Variants in ATP8A1 observed in about 807,000 individuals in gnomAD.
ATP8A1 encodes the protein ATPase phospholipid transporting 8A1.
Under a neutral mutation model 177.7 loss-of-function variants are expected in ATP8A1, and 90 were observed. The ratio of observed to expected loss-of-function variants is 0.51; its 90% confidence interval spans 0.43 to 0.60. The LOEUF (loss-of-function observed/expected upper bound fraction) is 0.60. ATP8A1 is among the 20% of genes least tolerant of loss of function. ATP8A1 has a pLI of 0.00. For synonymous variants in ATP8A1, 493 were observed against 485.9 expected (o/e 1.01, Z -0.19); for missense variants, 1,072 against 1,392.8 (o/e 0.77, Z 3.67).
intron 1 of ATP8A1, among the ~76,000 whole-genome samples, chr4:42,635,760 C>T (rs113247857): frequency 3.2e-5 from 2 of 63,180 alleles, no homozygotes; most frequent in African/African-American, 1.5e-4. Flanking sequence ...TATATACACA[C>T]ACACACACAC....
At position 42,639,524 on chromosome 4, in the gene ATP8A1, A is replaced by G. The variant is rs541017285; in HGVS notation, c.50-12415T>C. Among the ~76,000 whole-genome samples the G allele has an allele frequency of 9.8e-5, 15 of 152,362 alleles. No individual in the cohort carries two copies. The South Asian group carries it at 2.9e-3, about 29-fold the overall frequency. ...GACTGGAAAGGTTAGAATGAACATT[A>G]GTTCGAAGAACTAAACCAAAAGACA... On this transcript the variant is annotated intron_variant, in intron 1 of 36. Transcript: ENST00000381668.
intron 33 of ATP8A1, among the ~76,000 whole-genome samples, chr4:42,425,469 T>C (rs1714490412): frequency 6.6e-6 from 1 of 152,236 alleles, no homozygotes; most frequent in Non-Finnish European, 1.5e-5. Context: ...CCTGTCAGTT[T>C]TTTTTTCTTT....
intron 25 of ATP8A1, among the ~76,000 whole-genome samples, chr4:42,479,898 T>C (rs1251251932): frequency 6.6e-6 from 1 of 152,098 alleles, no homozygotes; most frequent in Non-Finnish European, 1.5e-5. Context: ...CAGGAGTGTG[T>C]GCACTTTGCG....
At chr4:42,481,983 A>T (rs1266397601) in intron 25 of ATP8A1, among the ~76,000 whole-genome samples, 2 of 152,130 alleles carry the variant, frequency 1.3e-5, no homozygotes, top group Non-Finnish European at 2.9e-5. Flanking sequence ...CAATGTTAAA[A>T]ACAGAAGCTG....
chr4:42,556,088 C>T (rs1161359249), intron 15 of ATP8A1, 48 bp from the exon 16 acceptor site: 1 of 1,324,706 alleles, frequency 7.5e-7, no homozygotes, highest in Non-Finnish European at 1.1e-6. Context: ...TATACCAGCC[C>T]ACTGATCTAT....
chr4:42,467,283 T>C lies in ATP8A1; in HGVS notation c.2325-2207A>G, dbSNP rs555490584. Among the ~76,000 whole-genome samples, 24 of 152,326 alleles carry C rather than the reference T, an allele frequency of 1.6e-4. No individual in the cohort carries two copies. In the South Asian group the frequency reaches 4.8e-3, roughly 30 times the overall value. On this transcript the variant is annotated intron_variant, in intron 25 of 36. Coordinates refer to ENST00000381668, the MANE Select transcript of ATP8A1 (RefSeq NM_006095.2). Reference sequence around the variant, plus strand: ...TTAAATGAGGTGTTAAAGAGTAGGATTGCCCTTAGCAACAATGCCCATTTA... The same window carrying C: ...TTAAATGAGGTGTTAAAGAGTAGGACTGCCCTTAGCAACAATGCCCATTTA...
intron 24 of ATP8A1, among the ~76,000 whole-genome samples, chr4:42,500,011 G>A (rs138568580): frequency 4.1e-4 from 62 of 152,342 alleles, no homozygotes; most frequent in African/African-American, 1.3e-3. Context: ...TGGAGTTAGA[G>A]AAGTAAAATA....
chr4:42,623,187 A>G (rs1737674208), intron 4 of ATP8A1, among the ~76,000 whole-genome samples: 1 of 152,322 alleles, frequency 6.6e-6, no homozygotes, highest in South Asian at 2.1e-4. Flanking sequence ...TTAAAAAGTT[A>G]AAAAATAACA....
At chr4:42,567,267 G>A (rs1177610147) in intron 15 of ATP8A1, among the ~76,000 whole-genome samples, 1 of 152,194 alleles carries the variant, frequency 6.6e-6, no homozygotes, top group Non-Finnish European at 1.5e-5. Context: ...GGCTGGGCAT[G>A]GTGGCTGACA....
At chr4:42,594,689 T>C (rs1018304756) in intron 6 of ATP8A1, among the ~76,000 whole-genome samples, 3 of 152,278 alleles carry the variant, frequency 2.0e-5, no homozygotes, top group Admixed American at 6.5e-5. Flanking sequence ...CTTTATCCTA[T>C]TGAAGAAAAT....
chr4:42,446,104 A>C (rs1235744709), intron 31 of ATP8A1, among the ~76,000 whole-genome samples: 1 of 147,116 alleles, frequency 6.8e-6, no homozygotes, highest in Non-Finnish European at 1.5e-5. Context: ...AAAAAAGAGA[A>C]GAGATATAGT....
At chr4:42,556,824 T>C (rs1289032961) in intron 15 of ATP8A1, among the ~76,000 whole-genome samples, 1 of 152,144 alleles carries the variant, frequency 6.6e-6, no homozygotes, top group Non-Finnish European at 1.5e-5. Flanking sequence ...TGAAAATATA[T>C]ACATTTGAGG....
chr4:42,441,275 A>T (rs1716612163), intron 33 of ATP8A1, among the ~76,000 whole-genome samples: 1 of 152,200 alleles, frequency 6.6e-6, no homozygotes, highest in Non-Finnish European at 1.5e-5. Flanking sequence ...GCTTTAAGAC[A>T]GTTGGCCAAT....
At chr4:42,417,295 A>G (rs1713348443) in intron 35 of ATP8A1, among the ~76,000 whole-genome samples, 1 of 151,640 alleles carries the variant, frequency 6.6e-6, no homozygotes. Context: ...AGATATATTA[A>G]AAGTTCAGTT....
chr4:42,451,204 C>G (rs1030705998), intron 30 of ATP8A1, among the ~76,000 whole-genome samples: 2 of 152,184 alleles, frequency 1.3e-5, no homozygotes, highest in African/African-American at 4.8e-5. Flanking sequence ...GCAGGCAGCA[C>G]TCTCTTCTGT....
At chr4:42,562,841 C>G (rs906943033) in intron 15 of ATP8A1, among the ~76,000 whole-genome samples, 1 of 152,252 alleles carries the variant, frequency 6.6e-6, no homozygotes, top group Non-Finnish European at 1.5e-5. Context: ...TAAGACATGA[C>G]TTGCTCTTCC....
chr4:42,579,792 A>T (rs1311351055), intron 11 of ATP8A1, 21 bp downstream of exon 11: 2 of 1,584,784 alleles, frequency 1.3e-6, no homozygotes, highest in Admixed American at 3.6e-5. Flanking sequence ...AAAAAAGTGC[A>T]GTAAGCACTT....
At chr4:42,556,467 T>C (rs1186260986) in intron 15 of ATP8A1, among the ~76,000 whole-genome samples, 4 of 152,160 alleles carry the variant, frequency 2.6e-5, no homozygotes, top group Non-Finnish European at 2.9e-5. Context: ...AATCTTTATA[T>C]GTAGTGATGA....
chr4:42,620,157 A>T (rs1737322356), intron 4 of ATP8A1, among the ~76,000 whole-genome samples: 1 of 152,212 alleles, frequency 6.6e-6, no homozygotes, highest in Admixed American at 6.5e-5. Flanking sequence ...TGTATTCATT[A>T]TTCTCACTGA....
Sources: gnomAD v4.1 joint callset for allele counts (sites outside exome capture counted in the v4.1 genomes callset) on GRCh38, gnomAD v4.1.1 for gene constraint, MANE v1.5 for transcripts, NCBI Gene and HGNC (gene_info 2026-07-23, HGNC 2026-07-21) for gene names.